SMARCA2: variants seen among roughly 807,000 people sequenced by gnomAD.
SMARCA2 encodes the protein SWI/SNF-related matrix-associated actin-dependent regulator of chromatin subfamily A member 2.
SMARCA2 carries 61 observed loss-of-function variants against 199.8 expected under a neutral mutation model. The observed-to-expected ratio is 0.31, with a 90% CI of 0.25 to 0.38. SMARCA2 has a LOEUF of 0.38. Ranked by LOEUF, SMARCA2 falls within the 10% of genes least tolerant of loss-of-function variation. The pLI, the probability that SMARCA2 is intolerant of heterozygous loss-of-function variation, is 1.00. For synonymous variants in SMARCA2, 935 were observed against 732.0 expected, an observed-to-expected ratio of 1.28 and a Z score of -4.48; for missense variants, 1,344 against 2,012.2, an observed-to-expected ratio of 0.67 and a Z score of 6.35.
At chr9:2,148,560 A>C (rs554264163) in intron 27 of SMARCA2, among the ~76,000 whole-genome samples, 1 of 151,492 alleles carries the variant, frequency 6.6e-6, no homozygotes, top group Non-Finnish European at 1.5e-5. Flanking sequence ...TTACATATCT[A>C]TACATGTGCC....
intron 19 of SMARCA2, among the ~76,000 whole-genome samples, chr9:2,094,867 T>C (rs1822204645): frequency 6.6e-6 from 1 of 152,178 alleles, no homozygotes; most frequent in South Asian, 2.1e-4. Context: ...TGTTAAAGTC[T>C]AAAGTTGTTC....
chr9:2,165,548 CA>C (rs1323021923), intron 28 of SMARCA2, among the ~76,000 whole-genome samples: 2 of 152,126 alleles, frequency 1.3e-5, no homozygotes, highest in African/African-American at 2.4e-5. Flanking sequence ...ATTTTATTTG[CA>C]CAAATAGAAA....
intron 28 of SMARCA2, among the ~76,000 whole-genome samples, chr9:2,164,141 C>T (rs572267528): frequency 8.2e-4 from 125 of 152,258 alleles, no homozygotes; most frequent in Middle Eastern, 6.8e-3. Context: ...CGCCATTTAC[C>T]GTCATGCTTT....
intron 27 of SMARCA2, chr9:2,160,547 C>T (rs375211043): frequency 1.5e-5 from 10 of 687,072 alleles, no homozygotes; most frequent in African/African-American, 1.1e-4. Flanking sequence ...GAGCTGTAAT[C>T]ACTCTTTATA....
At chr9:2,111,007 G>A (rs1388822292) in intron 24 of SMARCA2, among the ~76,000 whole-genome samples, 1 of 149,984 alleles carries the variant, frequency 6.7e-6, no homozygotes, top group Admixed American at 6.6e-5. Flanking sequence ...AGCCAGGTAA[G>A]TTCAGGGCTA....
At chr9:2,107,692 CCT>C (rs1335211200) in intron 23 of SMARCA2, among the ~76,000 whole-genome samples, 1 of 152,112 alleles carries the variant, frequency 6.6e-6, no homozygotes, top group Admixed American at 6.5e-5. Flanking sequence ...TCTGAAAACT[CCT>C]TTGACCAAAT....
chr9:2,185,455 A>C (rs972864666), intron 31 of SMARCA2, among the ~76,000 whole-genome samples: 3 of 152,180 alleles, frequency 2.0e-5, no homozygotes, highest in African/African-American at 7.2e-5. Context: ...GGCTATTGTG[A>C]ATAATGCTGC....
chr9:2,077,286 C>A (rs1821370529), intron 13 of SMARCA2, among the ~76,000 whole-genome samples: 3 of 152,178 alleles, frequency 2.0e-5, no homozygotes, highest in African/African-American at 7.2e-5. Flanking sequence ...AAGTATTCAT[C>A]TGCAGGTGTA....
At chr9:2,128,231 G>T (rs1364329364) in intron 27 of SMARCA2, among the ~76,000 whole-genome samples, 1 of 152,186 alleles carries the variant, frequency 6.6e-6, no homozygotes, top group African/African-American at 2.4e-5. Flanking sequence ...GGTCTCCACT[G>T]ATCTCAGCAT....
At chr9:2,107,557 A>G (rs907288694) in intron 23 of SMARCA2, among the ~76,000 whole-genome samples, 1 of 152,166 alleles carries the variant, frequency 6.6e-6, no homozygotes, top group Non-Finnish European at 1.5e-5. Context: ...ACCTCAGGTG[A>G]TCCGCCCACC....
At chr9:2,162,305 T>C (rs1443704062) in intron 28 of SMARCA2, among the ~76,000 whole-genome samples, 1 of 152,214 alleles carries the variant, frequency 6.6e-6, no homozygotes, top group Non-Finnish European at 1.5e-5. Context: ...ATATTTCATG[T>C]TAAGACTGTT....
intron 9 of SMARCA2, 67 bp from the exon 10 acceptor site, chr9:2,070,351 A>C (rs1821035431): frequency 2.4e-6 from 3 of 1,250,922 alleles, no homozygotes; most frequent in Admixed American, 1.7e-5. Context: ...CATACCGGAG[A>C]GTTACCAGGA....
chr9:2,095,827 G>A (rs142943104), intron 19 of SMARCA2, among the ~76,000 whole-genome samples: 74 of 152,218 alleles, frequency 4.9e-4, no homozygotes, highest in African/African-American at 1.8e-3. Flanking sequence ...ATATTTCTAG[G>A]CATTAATCTG....
intron 5 of SMARCA2, among the ~76,000 whole-genome samples, chr9:2,049,659 T>C (rs1820032250): frequency 6.6e-6 from 1 of 152,240 alleles, no homozygotes; most frequent in African/African-American, 2.4e-5. Flanking sequence ...GACAGCATTA[T>C]GGGGCATGTT....
chr9:2,180,255 C>T (rs558277617), intron 29 of SMARCA2, among the ~76,000 whole-genome samples: 3 of 152,216 alleles, frequency 2.0e-5, no homozygotes, highest in African/African-American at 4.8e-5. Context: ...AAAACAAAAA[C>T]GATGACCCAG....
chr9:2,095,753 A>G (rs1011905710), intron 19 of SMARCA2, among the ~76,000 whole-genome samples: 2 of 152,250 alleles, frequency 1.3e-5, no homozygotes, highest in Non-Finnish European at 2.9e-5. Flanking sequence ...AAATAATGTG[A>G]TCATTTTACA....
chr9:2,130,269 A>G (rs146022974), intron 27 of SMARCA2, among the ~76,000 whole-genome samples: 1 of 152,292 alleles, frequency 6.6e-6, no homozygotes, highest in East Asian at 1.9e-4. Flanking sequence ...CCTTCCTGTT[A>G]CGTGGCAACT....
At chr9:2,121,437 A>T (rs1157338812) in intron 26 of SMARCA2, among the ~76,000 whole-genome samples, 2 of 152,202 alleles carry the variant, frequency 1.3e-5, no homozygotes, top group African/African-American at 4.8e-5. Flanking sequence ...AGTTTCTTCT[A>T]ATCCACCGGC....
chr9:2,038,524 G>A (rs1819432833), intron 3 of SMARCA2, among the ~76,000 whole-genome samples: 1 of 152,174 alleles, frequency 6.6e-6, no homozygotes, highest in Admixed American at 6.5e-5. Flanking sequence ...ACCAGTGACT[G>A]CTGATTGCAG....
Sources: gnomAD v4.1 joint callset for allele counts (sites outside exome capture counted in the v4.1 genomes callset) on GRCh38, gnomAD v4.1.1 for gene constraint, MANE v1.5 for transcripts, NCBI Gene and HGNC (gene_info 2026-07-23, HGNC 2026-07-21) for gene names.